Variants in COL5A2 observed in about 807,000 individuals in gnomAD.
COL5A2 encodes the protein collagen alpha-2(V) chain.
A neutral mutation model predicts 208.2 loss-of-function variants in COL5A2; 23 were observed. That is an observed-to-expected ratio of 0.11 (90% CI 0.08 to 0.16). The LOEUF is 0.16. Among genes scored for constraint, COL5A2 ranks in the 10% least tolerant of loss-of-function variants. COL5A2 has a pLI of 1.00. For synonymous variants in COL5A2, 625 were observed against 628.5 expected (o/e 0.99, Z 0.08); for missense variants, 1,590 against 1,956.4 (o/e 0.81, Z 3.53).
chr2:189,303,744 T>G, the COL5A2 span, among the ~76,000 whole-genome samples: 146 of 152,316 alleles, frequency 9.6e-4, 1 homozygote, highest in Admixed American at 7.5e-3. Context: ...TGTGTTCAAA[T>G]AAGGCAAACG....
chr2:189,226,055 G>A (rs570396743), upstream of COL5A2, among the ~76,000 whole-genome samples: 5 of 152,220 alleles, frequency 3.3e-5, no homozygotes, highest in African/African-American at 1.2e-4. Flanking sequence ...TGCCTACAAT[G>A]CTTTTATGAA....
chr2:189,241,397 A>G, the COL5A2 span, among the ~76,000 whole-genome samples: 7 of 152,356 alleles, frequency 4.6e-5, no homozygotes, highest in African/African-American at 1.4e-4. Context: ...AATTGAATGA[A>G]CATTGCTCTG....
At chr2:189,087,623 T>C (rs1029455822) in intron 8 of COL5A2, among the ~76,000 whole-genome samples, 2 of 143,702 alleles carry the variant, frequency 1.4e-5, no homozygotes, top group African/African-American at 2.6e-5. Flanking sequence ...CGGCTAATTG[T>C]TTTGTATTTT....
intron 43 of COL5A2, among the ~76,000 whole-genome samples, chr2:189,049,972 T>A (rs942283301): frequency 6.6e-6 from 1 of 152,230 alleles, no homozygotes; most frequent in Non-Finnish European, 1.5e-5. Flanking sequence ...ACATTCCATA[T>A]GAAAACATCA....
chr2:189,144,245 A>T (rs543943365), intron 1 of COL5A2, among the ~76,000 whole-genome samples: 1 of 152,288 alleles, frequency 6.6e-6, no homozygotes, highest in South Asian at 2.1e-4. Flanking sequence ...TGAAAGAGAA[A>T]AAAAAGGTAC....
chr2:189,419,143 C>T, the COL5A2 span, among the ~76,000 whole-genome samples: 1 of 152,164 alleles, frequency 6.6e-6, no homozygotes, highest in Non-Finnish European at 1.5e-5. Context: ...ACTGAGTCCA[C>T]TTGCTCATGA....
At position 189,052,536 on chromosome 2, in the gene COL5A2, A is replaced by G. The variant is rs144317055; in HGVS notation, c.2715+213T>C. Among the ~76,000 whole-genome samples the G allele has an allele frequency of 0.015, 2,338 of 152,360 alleles. 24 individuals carry two copies. The highest frequency in any genetic ancestry group is 0.02 in the Non-Finnish European group (1,364 of 68,036). ...TTTATATAGGTAGTATGTTACTTAC[A>G]TTACAGGTGAGGCACCTGGGTCTCC... is the stretch of plus-strand genomic sequence containing the variant. On this transcript the variant is annotated intron_variant, in intron 40 of 53. Transcript: ENST00000374866.
intron 23 of COL5A2, 131 bp from the exon 24 acceptor site, chr2:189,065,188 C>T: frequency 1.2e-6 from 1 of 809,222 alleles, no homozygotes; most frequent in Non-Finnish European, 2.1e-6. Context: ...TATAGATATG[C>T]ATGAGAAAAA....
the COL5A2 span, among the ~76,000 whole-genome samples, chr2:189,283,666 T>C: frequency 6.6e-6 from 1 of 152,078 alleles, no homozygotes; most frequent in Non-Finnish European, 1.5e-5. Flanking sequence ...GAATCAAGTA[T>C]GAACTTACTT....
At chr2:189,059,550 C>CTCCTTCCTTAAAAACT (rs1685975645) in intron 31 of COL5A2, among the ~76,000 whole-genome samples, 3 of 139,206 alleles carry the variant, frequency 2.2e-5, no homozygotes, top group Non-Finnish European at 3.1e-5. Flanking sequence ...TATCATATTA[C>CTCCTTCCTTAAAAACT]TCCTTCCTTA....
At chr2:189,051,862 T>C (rs755960346) in intron 41 of COL5A2, among the ~76,000 whole-genome samples, 8 of 152,196 alleles carry the variant, frequency 5.3e-5, no homozygotes, top group Non-Finnish European at 1.2e-4. Flanking sequence ...TTAAAGAAAG[T>C]TTCATAGTTG....
intron 1 of COL5A2, among the ~76,000 whole-genome samples, chr2:189,132,483 T>A (rs1687734649): frequency 6.6e-6 from 1 of 152,216 alleles, no homozygotes; most frequent in South Asian, 2.1e-4. Context: ...TACTTTTATT[T>A]AAGTCAAGTA....
At chr2:189,429,163 A>C in the COL5A2 span, among the ~76,000 whole-genome samples, 1 of 152,244 alleles carries the variant, frequency 6.6e-6, no homozygotes, top group Non-Finnish European at 1.5e-5. Flanking sequence ...TATATTAATT[A>C]GGTAGGTTTA....
chr2:189,356,533 C>T, the COL5A2 span, among the ~76,000 whole-genome samples: 6 of 152,112 alleles, frequency 3.9e-5, no homozygotes, highest in South Asian at 2.1e-4. Flanking sequence ...ATTCGGCTAT[C>T]GATACTTGTG....
At chr2:189,119,967 A>G (rs1687468207) in intron 1 of COL5A2, among the ~76,000 whole-genome samples, 1 of 152,134 alleles carries the variant, frequency 6.6e-6, no homozygotes, top group Non-Finnish European at 1.5e-5. Context: ...ACTTTTGCAG[A>G]TAAGAAATAT....
chr2:189,312,101 G>T, the COL5A2 span: 7 of 800,960 alleles, frequency 8.7e-6, no homozygotes, highest in African/African-American at 1.0e-4. Flanking sequence ...TGCTGGCATT[G>T]TCCACAGCAT....
At chr2:189,371,291 C>T in the COL5A2 span, among the ~76,000 whole-genome samples, 5,584 of 152,094 alleles carry the variant, frequency 0.037, 117 homozygotes, top group Admixed American at 0.05. Context: ...TTTGTAGCAA[C>T]GCAAAAACTG....
chr2:189,245,225 G>A, the COL5A2 span, among the ~76,000 whole-genome samples: 7 of 152,084 alleles, frequency 4.6e-5, no homozygotes, highest in South Asian at 4.2e-4. Flanking sequence ...CAGTGTTCAC[G>A]CTTTTTTTTC....
chr2:189,128,647 T>G (rs1687653682), intron 1 of COL5A2, among the ~76,000 whole-genome samples: 1 of 151,970 alleles, frequency 6.6e-6, no homozygotes, highest in East Asian at 1.9e-4. Flanking sequence ...GAAACTTGTA[T>G]TTTTTAGAAG....
Sources: allele counts gnomAD v4.1 joint callset (sites outside exome capture counted in the v4.1 genomes callset), GRCh38; gene constraint gnomAD v4.1.1; transcripts MANE v1.5; gene names NCBI Gene and HGNC (gene_info 2026-07-23, HGNC 2026-07-21).